The following KCNH4 variants were observed in gnomAD, a reference collection of about 807,000 sequenced individuals.
The protein encoded by KCNH4 is potassium voltage-gated channel subfamily H member 4.
Under a neutral mutation model 90.7 loss-of-function variants are expected in KCNH4, and 33 were observed. The observed-to-expected ratio is 0.36, with a 90% CI of 0.28 to 0.49. The LOEUF is 0.49. Among genes scored for constraint, KCNH4 ranks in the 20% least tolerant of loss-of-function variants. KCNH4 has a pLI of 0.98. For synonymous variants in KCNH4, 551 were observed against 581.7 expected (o/e 0.95, Z 0.76); for missense variants, 1,044 against 1,387.1 (o/e 0.75, Z 3.93).
chr17:42,176,917 C>G (rs2079866199), intron 4 of KCNH4, among the ~76,000 whole-genome samples: 1 of 151,116 alleles, frequency 6.6e-6, no homozygotes, highest in South Asian at 2.1e-4. Flanking sequence ...AGTTTAGAGA[C>G]AGTCTCACTC....
intron 15 of KCNH4, among the ~76,000 whole-genome samples, chr17:42,161,568 T>C (rs1336387807): frequency 6.6e-6 from 1 of 152,200 alleles, no homozygotes; most frequent in Non-Finnish European, 1.5e-5. Context: ...CCTGAAGGCC[T>C]CTCAGCCTCC....
At chr17:42,170,034 CT>C in intron 8 of KCNH4, 72 bp downstream of exon 8, 1 of 1,461,516 alleles carries the variant, frequency 6.8e-7, no homozygotes, top group Non-Finnish European at 9.2e-7. Flanking sequence ...GTCTTGCCCT[CT>C]CTGGGCCTCA....
intron 9 of KCNH4, among the ~76,000 whole-genome samples, chr17:42,167,208 C>T (rs774235854): frequency 2.6e-5 from 4 of 152,126 alleles, no homozygotes; most frequent in Admixed American, 1.3e-4. Context: ...GGCAACTGGC[C>T]CCATGGCTTC....
intron 15 of KCNH4, 40 bp downstream of exon 15, chr17:42,162,208 C>A: frequency 6.3e-7 from 1 of 1,579,372 alleles, no homozygotes; most frequent in Non-Finnish European, 8.7e-7. Context: ...GTCTGAAATG[C>A]TGTTATATCA....
chr17:42,171,833 C>T lies in KCNH4; in HGVS notation c.1150G>A (p.Gly384Arg), dbSNP rs2079829102. 6.2e-7 allele frequency: 1 copy of T among 1,614,072 alleles called. No individual in the cohort carries two copies. The highest frequency in any genetic ancestry group is 8.5e-7 in the Non-Finnish European group (1 of 1,180,004). The change falls in exon 7 of 17, where the codon GGG (glycine) becomes AGG (arginine). Residue 384 changes from glycine (G) to arginine (R), a missense_variant. Gly to Arg is a moderately radical substitution (Grantham distance 125, BLOSUM62 -2). Coordinates refer to ENST00000264661, the MANE Select transcript of KCNH4 (RefSeq NM_012285.3). The part of the protein sequence containing the change: ...HWMACIWYVI[G>R]RREMEANDPL... ...TCATTGGCCTCCATCTCCCGGCGCC[C>T]GATGACATACCAGATGCAGGCCATC...
chr17:42,175,966 G>C (rs979109865), intron 5 of KCNH4, 88 bp downstream of exon 5: 4 of 1,436,358 alleles, frequency 2.8e-6, no homozygotes, highest in African/African-American at 1.4e-5. Context: ...TGAATGTCTG[G>C]GTCATGTGGG....
Position 42,170,067 on chromosome 17 carries a change from T to C in KCNH4, c.1390+40A>G, listed in dbSNP as rs375082312. The C allele has an allele frequency of 2.7e-5, 42 of 1,538,422 alleles. No homozygotes were observed. In the African/African-American group the frequency reaches 3.2e-4, roughly 12 times the overall value. ...CTCAGTTTCCCCGTGCATGCTGGGC[T>C]TCGCAGGGCCCCACTGAGGCGTGGC... On this transcript the variant is annotated intron_variant, in intron 8 of 16. Transcript: ENST00000264661.
chr17:42,168,004 C>T (rs545544386), intron 9 of KCNH4, among the ~76,000 whole-genome samples: 19 of 152,300 alleles, frequency 1.2e-4, no homozygotes, highest in South Asian at 6.2e-4. Context: ...TTCCCTAAAG[C>T]GCTCACTCTG....
intron 6 of KCNH4, among the ~76,000 whole-genome samples, chr17:42,172,309 T>A (rs2144134567): frequency 6.6e-6 from 1 of 151,858 alleles, no homozygotes; most frequent in South Asian, 2.1e-4. Context: ...TTCAAGCGAT[T>A]CAAGGCTGCC....
intron 15 of KCNH4, among the ~76,000 whole-genome samples, chr17:42,160,912 T>C (rs2079741893): frequency 7.0e-6 from 1 of 143,706 alleles, no homozygotes; most frequent in Non-Finnish European, 1.5e-5. Context: ...TAGTTCTTTT[T>C]TCTTTTTCTT....
chr17:42,179,475 G>A (rs1400161819), intron 1 of KCNH4, among the ~76,000 whole-genome samples: 2 of 152,216 alleles, frequency 1.3e-5, no homozygotes, highest in African/African-American at 4.8e-5. Context: ...TCACATGGTC[G>A]TTGTGAGAGT....
Position 42,163,365 on chromosome 17 carries a change from T to G in KCNH4, c.2478-31A>C, listed in dbSNP as rs1286367791. On this transcript the variant is annotated intron_variant, in intron 13 of 16. Transcript: ENST00000264661. This position sits in a 1 kb window ranked among gnomAD's most constrained non-coding sequence, Gnocchi z 5.4. ...AACAGGGCAGTGCTCATCAGCACCA[T>G]GGGGTGAGGGTAAGGGCCAGAGCAG... 2 of 1,526,796 alleles carry G rather than the reference T, an allele frequency of 1.3e-6. No homozygotes were observed. Among genetic ancestry groups the G allele is most frequent in the Admixed American group, 1.7e-5 (1 of 59,286 alleles). The allele number at this position is 1,526,796 out of a possible 1,614,324, so 94.6% of individuals were successfully genotyped here.
At position 42,165,627 on chromosome 17, in the gene KCNH4, G is replaced by A. The variant is rs139466156; in HGVS notation, c.1907C>T (p.Pro636Leu). ...AGCACTGGTCTTTAGCACGAAGTTT[G>A]GGTCTGCTCCCAACCCAGGCTCCTG... ...PGQEPGLGAD[P>L]NFVLKTSADV... Residue 636 changes from proline (P) to leucine (L), a missense_variant, in exon 11 of 17, where the codon CCA (proline) becomes CTA (leucine). Pro to Leu is a moderately conservative substitution (Grantham distance 98). Coordinates refer to ENST00000264661, the MANE Select transcript of KCNH4 (RefSeq NM_012285.3). 26 of 1,614,098 alleles carry A rather than the reference G, an allele frequency of 1.6e-5. No homozygotes were observed. The highest frequency in any genetic ancestry group is 3.3e-5 in the South Asian group (3 of 91,090).
chr17:42,162,439 G>C, intron 14 of KCNH4, 118 bp from the exon 15 acceptor site: 1 of 791,992 alleles, frequency 1.3e-6, no homozygotes, highest in African/African-American at 1.8e-5. Context: ...AAGCTCTAGG[G>C]TCTGTAAGAT....
chr17:42,177,552 C>T (rs1420641670), intron 4 of KCNH4, among the ~76,000 whole-genome samples: 1 of 152,224 alleles, frequency 6.6e-6, no homozygotes, highest in African/African-American at 2.4e-5. Context: ...CATGCCCTAG[C>T]TTGAGGGGTA....
Position 42,165,524 on chromosome 17 carries a change from A to C in KCNH4, c.2010T>G (p.Pro670=), listed in dbSNP as rs2079781003. The change falls in exon 11 of 17, where the codon CCT becomes CCG. Residue 670 remains proline, a synonymous_variant. Transcript: ENST00000264661. ...CAGCCCGGAAGGCAGCCCCATACTC[A>C]GGATAGAGCCTCAGGACCTCAGCCA... The part of the protein sequence containing the change: ...RGLAEVLRLY[P]EYGAAFRAGL... 6.2e-7 allele frequency: 1 copy of C among 1,614,066 alleles called. No homozygotes were observed. Among genetic ancestry groups the C allele is most frequent in the South Asian group, 1.1e-5 (1 of 91,094 alleles).
chr17:42,169,945 C>T (rs563638888), intron 8 of KCNH4, among the ~76,000 whole-genome samples, 162 bp downstream of exon 8: 123 of 152,334 alleles, frequency 8.1e-4, no homozygotes, highest in Middle Eastern at 3.4e-3. Context: ...TCCCCAGGGC[C>T]AGCACATAGT....
intron 7 of KCNH4, among the ~76,000 whole-genome samples, chr17:42,171,281 C>T (rs373582161): frequency 2.6e-5 from 4 of 151,986 alleles, no homozygotes; most frequent in Non-Finnish European, 4.4e-5. Context: ...GTCAAATTCA[C>T]GGGACATTTG....
chr17:42,165,552 C>T lies in KCNH4; in HGVS notation c.1982G>A (p.Gly661Glu). The T allele has an allele frequency of 6.2e-7, 1 of 1,614,214 alleles. No individual in the cohort carries two copies. Residue 661 changes from glycine to glutamate, a missense_variant, in exon 11 of 17, where the codon GGG becomes GAG. By Grantham distance (98) the Gly-to-Glu change is moderately conservative (BLOSUM62 -2). Coordinates refer to ENST00000264661, the MANE Select transcript of KCNH4 (RefSeq NM_012285.3). ...YCGLQQLSSR[G>E]LAEVLRLYPE... ...ATAGAGCCTCAGGACCTCAGCCAGC[C>T]CTCGGCTGCTCAGCTGCTGCAGGCC...
Sources: allele counts gnomAD v4.1 joint callset (sites outside exome capture counted in the v4.1 genomes callset), GRCh38; gene constraint gnomAD v4.1.1; non-coding constraint Gnocchi (gnomAD v3.1); transcripts MANE v1.5; gene names NCBI Gene and HGNC (gene_info 2026-07-23, HGNC 2026-07-21).